Variants in RAPGEF2 observed in about 807,000 individuals in gnomAD.
RAPGEF2 encodes the protein PDZ domain containing guanine nucleotide exchange factor (GEF) 1.
Under a neutral mutation model 186.7 loss-of-function variants are expected in RAPGEF2, and 54 were observed. The ratio of observed to expected loss-of-function variants is 0.29; its 90% CI spans 0.23 to 0.36. The LOEUF (loss-of-function observed/expected upper bound fraction) is 0.36. Among genes scored for constraint, RAPGEF2 ranks in the 10% least tolerant of loss-of-function variants. RAPGEF2 has a pLI of 1.00. For missense variants in RAPGEF2, 1,532 were observed against 2,045.0 expected, an observed-to-expected ratio of 0.75 and a Z score of 4.84; for synonymous variants, 712 against 705.9, an observed-to-expected ratio of 1.01 and a Z score of -0.14.
intron 1 of RAPGEF2, among the ~76,000 whole-genome samples, chr4:159,114,876 G>A (rs561376189): frequency 6.6e-6 from 1 of 152,120 alleles, no homozygotes; most frequent in South Asian, 2.1e-4. Context: ...GAATGGCAAG[G>A]GTGTGTTTAA....
At chr4:159,277,849 C>T (rs1204480923) in intron 7 of RAPGEF2, among the ~76,000 whole-genome samples, 1 of 152,058 alleles carries the variant, frequency 6.6e-6, no homozygotes, top group African/African-American at 2.4e-5. Flanking sequence ...GGATAGATTG[C>T]AAAAATTTTC....
intron 11 of RAPGEF2, among the ~76,000 whole-genome samples, chr4:159,326,131 G>A (rs1765893789): frequency 6.6e-6 from 1 of 152,122 alleles, no homozygotes; most frequent in Non-Finnish European, 1.5e-5. Context: ...TTATCCCTAA[G>A]GAATTCCTTA....
chr4:159,176,983 T>C (rs929413147), intron 1 of RAPGEF2, among the ~76,000 whole-genome samples: 6 of 152,208 alleles, frequency 3.9e-5, no homozygotes, highest in African/African-American at 1.4e-4. Context: ...AGCCAATCTT[T>C]CTTGGAGGAA....
chr4:159,356,281 T>A, intron 29 of RAPGEF2, 123 bp downstream of exon 29: 1 of 1,017,238 alleles, frequency 9.8e-7, no homozygotes, highest in Non-Finnish European at 1.4e-6. Context: ...CTACACAAAG[T>A]ACACTACATT....
intron 7 of RAPGEF2, among the ~76,000 whole-genome samples, chr4:159,265,870 A>G (rs955938326): frequency 5.9e-5 from 9 of 152,208 alleles, no homozygotes; most frequent in Middle Eastern, 3.2e-3. Context: ...TAATAAACAG[A>G]TGTTGTGATG....
intron 1 of RAPGEF2, 84 bp downstream of exon 1, chr4:159,104,315 A>G (rs547653856): frequency 2.1e-5 from 11 of 531,988 alleles, no homozygotes; most frequent in South Asian, 2.1e-4. Flanking sequence ...CTCCTTCCTG[A>G]CACAGTTCGC....
intron 2 of RAPGEF2, among the ~76,000 whole-genome samples, chr4:159,189,451 A>G (rs767389610): frequency 6.7e-6 from 1 of 149,746 alleles, no homozygotes; most frequent in Admixed American, 6.7e-5. Context: ...GGCAAGAAGC[A>G]GCATATTTGC....
At chr4:159,350,744 G>A (rs187841410) in intron 26 of RAPGEF2, among the ~76,000 whole-genome samples, 15 of 152,114 alleles carry the variant, frequency 9.9e-5, no homozygotes, top group Non-Finnish European at 2.2e-4. Flanking sequence ...TATATTTTAG[G>A]TACTCAGTCG....
In RAPGEF2 at chr4:159,353,994, C is replaced by T. The variant is rs766138759; in HGVS notation, c.4599C>T (p.Val1533=). 19 of 1,611,172 alleles carry T rather than the reference C, an allele frequency of 1.2e-5. No individual in the cohort carries two copies. The highest frequency in any genetic ancestry group is 4.5e-5 in the East Asian group (2 of 44,886). The change falls in exon 28 of 30, where the codon GTC becomes GTT. Residue 1533 remains valine, a synonymous_variant. Transcript: ENST00000691494. This position sits in a 1 kb window ranked among gnomAD's most constrained non-coding sequence, Gnocchi z 4.3. ...TSVTTEETKP[V]PMPAHIAVAS... The stretch of plus-strand genomic sequence containing the variant: ...TGACTACGGAAGAAACCAAGCCTGT[C>T]CCCATGCCTGCCCACATAGCTGTGG...
intron 9 of RAPGEF2, among the ~76,000 whole-genome samples, chr4:159,320,959 C>G (rs1183492164): frequency 6.6e-6 from 1 of 152,070 alleles, no homozygotes; most frequent in Non-Finnish European, 1.5e-5. Context: ...AGTATTTACT[C>G]TGTGCCACGG....
chr4:159,243,756 T>C lies in RAPGEF2; in HGVS notation c.526-18T>C. On this transcript the variant is annotated intron_variant, in intron 6 of 29. Transcript: ENST00000691494. ...TTCCTTTCCTCCTTTATGGCACTCA[T>C]TTCATTTTGGCTCAAAGGAATGCAC... 1 of 1,276,492 alleles carries C rather than the reference T, an allele frequency of 7.8e-7. No individual in the cohort carries two copies. Among genetic ancestry groups the C allele is most frequent in the Non-Finnish European group, 1.0e-6 (1 of 976,732 alleles). The allele number at this position is 1,276,492 out of a possible 1,614,324, so 79.1% of individuals were successfully genotyped here. A position where few individuals can be genotyped will look rare whatever the true frequency, so the allele number is the denominator to read the frequency against.
At chr4:159,115,714 A>G (rs1317364041) in intron 1 of RAPGEF2, among the ~76,000 whole-genome samples, 5 of 152,230 alleles carry the variant, frequency 3.3e-5, no homozygotes, top group Admixed American at 6.5e-5. Context: ...CCAAAACAGC[A>G]TGGTACTGGT....
chr4:159,219,403 T>G (rs1385285093), intron 4 of RAPGEF2, among the ~76,000 whole-genome samples: 1 of 136,750 alleles, frequency 7.3e-6, no homozygotes, highest in East Asian at 2.2e-4. Flanking sequence ...TTGCTCAGGC[T>G]GGAGTGCAGT....
At chr4:159,286,030 A>ACCACCACC (rs1554026580) in intron 7 of RAPGEF2, among the ~76,000 whole-genome samples, 2 of 89,234 alleles carry the variant, frequency 2.2e-5, no homozygotes, top group South Asian at 5.3e-4. Context: ...TGTTCCCCCC[A>ACCACCACC]ACCACCACCA....
At chr4:159,339,567 G>A (rs1245169184) in intron 19 of RAPGEF2, among the ~76,000 whole-genome samples, 1 of 152,032 alleles carries the variant, frequency 6.6e-6, no homozygotes, top group Non-Finnish European at 1.5e-5. Flanking sequence ...GGATCTCTTA[G>A]GAACTTGTTC....
intron 7 of RAPGEF2, among the ~76,000 whole-genome samples, chr4:159,244,474 A>T (rs191047976): frequency 1.3e-5 from 2 of 152,010 alleles, no homozygotes; most frequent in Admixed American, 1.3e-4. Flanking sequence ...ACATTACTAA[A>T]GTACTGTACT....
intron 17 of RAPGEF2, among the ~76,000 whole-genome samples, chr4:159,336,084 T>C (rs1295284419): frequency 1.3e-5 from 2 of 152,212 alleles, no homozygotes; most frequent in African/African-American, 2.4e-5. Flanking sequence ...GCCGGTTATA[T>C]GATTAAATAG....
chr4:159,225,877 A>G (rs1751980728), intron 4 of RAPGEF2, among the ~76,000 whole-genome samples: 1 of 152,138 alleles, frequency 6.6e-6, no homozygotes, highest in African/African-American at 2.4e-5. Flanking sequence ...TGTTTTGGAT[A>G]CAATTATTTT....
chr4:159,174,606 T>G (rs1327007703), intron 1 of RAPGEF2, among the ~76,000 whole-genome samples: 1 of 152,230 alleles, frequency 6.6e-6, no homozygotes, highest in African/African-American at 2.4e-5. Flanking sequence ...AAGCATGCCT[T>G]TTTCAGTGGA....
Sources: allele counts gnomAD v4.1 joint callset (sites outside exome capture counted in the v4.1 genomes callset), GRCh38; gene constraint gnomAD v4.1.1; non-coding constraint Gnocchi (gnomAD v3.1); transcripts MANE v1.5; gene names NCBI Gene and HGNC (gene_info 2026-07-23, HGNC 2026-07-21).